Variants in NKAIN3 observed in about 807,000 individuals in gnomAD.
NKAIN3 encodes sodium/potassium-transporting ATPase subunit beta-1-interacting protein 3.
Under a neutral mutation model 30.2 loss-of-function variants are expected in NKAIN3, and 25 were observed. That is an observed-to-expected ratio of 0.83 (90% confidence interval 0.60 to 1.16). The LOEUF (loss-of-function observed/expected upper bound fraction) is 1.16. Ranked by LOEUF, NKAIN3 falls within the 50% of genes most tolerant of loss-of-function variation. The probability of loss-of-function intolerance (pLI) is 0.00; values close to 1 mark genes in which losing one functional copy is unlikely to be tolerated. For synonymous variants in NKAIN3, 91 were observed against 89.6 expected (o/e 1.02, Z -0.09); for missense variants, 225 against 254.1 (o/e 0.89, Z 0.78).
At chr8:62,751,429 G>GTT (rs907688176) in intron 4 of NKAIN3, among the ~76,000 whole-genome samples, 13 of 152,244 alleles carry the variant, frequency 8.5e-5, no homozygotes, top group Admixed American at 3.3e-4. Context: ...CAGGCATCCA[G>GTT]TTTTACTCTT....
At chr8:62,816,620 C>T (rs564113507) in intron 4 of NKAIN3, among the ~76,000 whole-genome samples, 14 of 152,188 alleles carry the variant, frequency 9.2e-5, no homozygotes, top group East Asian at 5.8e-4. Context: ...ATCACTTGTG[C>T]GATCAGGGTG....
intron 1 of NKAIN3, among the ~76,000 whole-genome samples, chr8:62,275,942 AG>A (rs71559369): frequency 2.0e-5 from 3 of 152,202 alleles, no homozygotes; most frequent in African/African-American, 7.2e-5. Flanking sequence ...GTAGAAACTC[AG>A]GGTATCTTTT....
At position 62,305,434 on chromosome 8, in the gene NKAIN3, C is replaced by T. The variant is rs1181429347; in HGVS notation, c.54+56307C>T. Among the ~76,000 whole-genome samples, 3 of 150,574 alleles carry T rather than the reference C, an allele frequency of 2.0e-5. 1 individual carries two copies. Among genetic ancestry groups the T allele is most frequent in the African/African-American group, 5.0e-5 (2 of 39,950 alleles). On this transcript the variant is annotated intron_variant, in intron 1 of 6. Coordinates refer to ENST00000623646, the MANE Select transcript of NKAIN3 (RefSeq NM_001304533.3). Reference sequence around the variant, plus strand: ...ACAACCTTAACAACTCATCTTGATGCTGAACAATATGGTCATGGTCATTAG... The same window carrying T: ...ACAACCTTAACAACTCATCTTGATGTTGAACAATATGGTCATGGTCATTAG...
At chr8:62,794,494 C>G (rs1414985455) in intron 4 of NKAIN3, among the ~76,000 whole-genome samples, 1 of 152,080 alleles carries the variant, frequency 6.6e-6, no homozygotes. Context: ...TATACCCACC[C>G]CCCCACCAAA....
At chr8:62,426,609 T>A (rs564266717) in intron 1 of NKAIN3, among the ~76,000 whole-genome samples, 135 of 152,132 alleles carry the variant, frequency 8.9e-4, no homozygotes, top group Non-Finnish European at 1.8e-3. Context: ...ACCATGTATC[T>A]GCAGTGCTTT....
chr8:62,514,884 G>A (rs1034841593), intron 1 of NKAIN3, among the ~76,000 whole-genome samples: 1 of 152,070 alleles, frequency 6.6e-6, no homozygotes, highest in Non-Finnish European at 1.5e-5. Context: ...ATTCCACCTT[G>A]ATCTCACTTT....
chr8:62,635,715 A>C (rs879597794), intron 3 of NKAIN3, among the ~76,000 whole-genome samples: 1 of 152,144 alleles, frequency 6.6e-6, no homozygotes, highest in Non-Finnish European at 1.5e-5. Flanking sequence ...CCCTCACAAG[A>C]CACCAAATCT....
At chr8:62,765,789 TATA>T (rs1392233717) in intron 4 of NKAIN3, among the ~76,000 whole-genome samples, 2 of 152,100 alleles carry the variant, frequency 1.3e-5, no homozygotes, top group African/African-American at 4.8e-5. Context: ...TGTATGCATA[TATA>T]ATTACTATAA....
chr8:62,618,765 G>T (rs950040150), intron 3 of NKAIN3, among the ~76,000 whole-genome samples: 2 of 152,052 alleles, frequency 1.3e-5, no homozygotes, highest in Non-Finnish European at 2.9e-5. Flanking sequence ...AATTAGCCGG[G>T]CATGGTGGTG....
chr8:62,533,948 T>C (rs1182442545), intron 1 of NKAIN3, among the ~76,000 whole-genome samples: 2 of 152,132 alleles, frequency 1.3e-5, no homozygotes, highest in Non-Finnish European at 2.9e-5. Context: ...TGAGGGAGAA[T>C]GTGGGGTCCA....
At chr8:62,684,400 C>T (rs1054505054) in intron 3 of NKAIN3, among the ~76,000 whole-genome samples, 1 of 152,204 alleles carries the variant, frequency 6.6e-6, no homozygotes, top group Admixed American at 6.5e-5. Context: ...CACACCCTAA[C>T]AAAGTCTGTT....
In NKAIN3 at chr8:62,559,309, A is replaced by G. The variant is rs1173895632; in HGVS notation, c.55-20230A>G. On this transcript the variant is annotated intron_variant, in intron 1 of 6. Coordinates refer to ENST00000623646, the MANE Select transcript of NKAIN3 (RefSeq NM_001304533.3). ...AGCCTTTGAATTTTAACCTGCCTATATAATTTATTTGAAGTGAGTTTTTTG... is the reference window on the plus strand; with the variant it reads ...AGCCTTTGAATTTTAACCTGCCTATGTAATTTATTTGAAGTGAGTTTTTTG... Among the ~76,000 whole-genome samples the G allele has an allele frequency of 4.6e-5, 7 of 152,042 alleles. No individual in the cohort carries two copies. The East Asian group carries it at 1.2e-3, about 25-fold the overall frequency.
chr8:62,751,497 G>T (rs542791014), intron 4 of NKAIN3, among the ~76,000 whole-genome samples: 7 of 152,192 alleles, frequency 4.6e-5, no homozygotes, highest in Admixed American at 4.6e-4. Flanking sequence ...AAGAAAATGT[G>T]ACTATATATT....
chr8:62,835,466 A>G (rs1320326282), intron 4 of NKAIN3, among the ~76,000 whole-genome samples: 1 of 152,076 alleles, frequency 6.6e-6, no homozygotes, highest in African/African-American at 2.4e-5. Flanking sequence ...AACTTCTTCA[A>G]TTCAACAAGC....
At position 62,402,600 on chromosome 8, in the gene NKAIN3, G is replaced by A. The variant is rs1036828899; in HGVS notation, c.54+153473G>A. On this transcript the variant is annotated intron_variant, in intron 1 of 6. Coordinates refer to ENST00000623646, the MANE Select transcript of NKAIN3 (RefSeq NM_001304533.3). ...ATAAGAGGCTTTTCCCTTTGAACTTGGATCTCATTCTTCTCCGTCCTGCCG... is the reference window on the plus strand; with the variant it reads ...ATAAGAGGCTTTTCCCTTTGAACTTAGATCTCATTCTTCTCCGTCCTGCCG... 3.9e-5 allele frequency among the ~76,000 whole-genome samples: 6 copies of A among 152,118 alleles called. No individual in the cohort carries two copies. The South Asian group carries it at 6.2e-4, about 16-fold the overall frequency.
chr8:62,458,484 G>T (rs912065040), intron 1 of NKAIN3, among the ~76,000 whole-genome samples: 1 of 152,176 alleles, frequency 6.6e-6, no homozygotes, highest in Non-Finnish European at 1.5e-5. Flanking sequence ...AGTGAATAAA[G>T]GTTGTTGGTA....
At chr8:62,944,956 A>G (rs1343007803) in intron 5 of NKAIN3, among the ~76,000 whole-genome samples, 1 of 152,194 alleles carries the variant, frequency 6.6e-6, no homozygotes, top group Non-Finnish European at 1.5e-5. Flanking sequence ...GAAAAAATAC[A>G]AGAATGGGAA....
intron 4 of NKAIN3, among the ~76,000 whole-genome samples, chr8:62,791,904 A>G (rs1817710850): frequency 1.3e-5 from 2 of 152,258 alleles, no homozygotes; most frequent in South Asian, 4.1e-4. Flanking sequence ...TTATTGAGGT[A>G]CAGTTGACAA....
chr8:62,330,854 G>T (rs1178726546), intron 1 of NKAIN3, among the ~76,000 whole-genome samples: 1 of 151,732 alleles, frequency 6.6e-6, no homozygotes, highest in Admixed American at 6.6e-5. Context: ...ATCCCTACCA[G>T]GCCCATTCAA....
Sources: allele counts gnomAD v4.1 joint callset (sites outside exome capture counted in the v4.1 genomes callset), GRCh38; gene constraint gnomAD v4.1.1; transcripts MANE v1.5; gene names NCBI Gene and HGNC (gene_info 2026-07-23, HGNC 2026-07-21).